The following RCAN2 variants were observed in gnomAD, a reference collection of about 807,000 sequenced individuals.
RCAN2 encodes regulator of calcineurin 2.
A neutral mutation model predicts 23.6 loss-of-function variants in RCAN2; 9 were observed. The observed-to-expected ratio is 0.38, with a 90% CI of 0.23 to 0.67. The LOEUF (loss-of-function observed/expected upper bound fraction) is 0.67, where lower values mean the gene tolerates loss of function less well. RCAN2 is among the 30% of genes least tolerant of loss of function. RCAN2 has a pLI of 0.51. For synonymous variants in RCAN2, 109 were observed against 115.7 expected, an observed-to-expected ratio of 0.94 and a Z score of 0.37; for missense variants, 273 against 302.3, an observed-to-expected ratio of 0.90 and a Z score of 0.72.
intron 1 of RCAN2, among the ~76,000 whole-genome samples, chr6:46,462,829 C>T (rs1227252053): frequency 2.0e-5 from 3 of 152,176 alleles, no homozygotes; most frequent in Non-Finnish European, 4.4e-5. Flanking sequence ...ATGAGATTCA[C>T]ATTTCTGAAT....
intron 2 of RCAN2, among the ~76,000 whole-genome samples, chr6:46,255,661 AC>A (rs376987854): frequency 1.3e-5 from 2 of 152,222 alleles, no homozygotes; most frequent in African/African-American, 4.8e-5. Flanking sequence ...CACGGTGACC[AC>A]CGACTCAGGA....
intron 2 of RCAN2, among the ~76,000 whole-genome samples, chr6:46,324,479 A>G (rs1032336309): frequency 6.6e-6 from 1 of 152,202 alleles, no homozygotes; most frequent in Non-Finnish European, 1.5e-5. Context: ...AAGGATGGTA[A>G]ATGATTATGC....
chr6:46,328,480 G>A (rs1244633591), intron 2 of RCAN2, among the ~76,000 whole-genome samples: 1 of 152,208 alleles, frequency 6.6e-6, no homozygotes, highest in East Asian at 1.9e-4. Flanking sequence ...ACTAAAATTA[G>A]TGGGTTTTAA....
rs372471267 is a variant in RCAN2 at position 46,385,308 on chromosome 6, C to G, written c.225+71444G>C. ...CAGCATTCTACAATACACCAAGGAA[C>G]TGCACACAGTAGACAAGGCACCACT... On this transcript the variant is annotated intron_variant, in intron 2 of 4. Transcript: ENST00000371374. Among the ~76,000 whole-genome samples the G allele has an allele frequency of 2.5e-4, 38 of 152,290 alleles. 1 individual carries two copies. The South Asian group carries it at 5.2e-3, about 21-fold the overall frequency.
intron 2 of RCAN2, among the ~76,000 whole-genome samples, chr6:46,402,222 G>A (rs938768175): frequency 1.3e-5 from 2 of 152,042 alleles, no homozygotes; most frequent in Non-Finnish European, 2.9e-5. Context: ...CTTATTATGT[G>A]CTGTGTAAAA....
intron 2 of RCAN2, among the ~76,000 whole-genome samples, chr6:46,453,045 C>G (rs941458994): frequency 6.6e-6 from 1 of 152,272 alleles, no homozygotes; most frequent in South Asian, 2.1e-4. Flanking sequence ...ATTCCAATGT[C>G]CTACCCAGCA....
chr6:46,321,289 T>C (rs1395469938), intron 2 of RCAN2, among the ~76,000 whole-genome samples: 2 of 152,228 alleles, frequency 1.3e-5, no homozygotes. Context: ...ATTTACTTGT[T>C]TACTATTTCA....
chr6:46,359,096 G>A (rs754456130), intron 2 of RCAN2, among the ~76,000 whole-genome samples: 23 of 152,098 alleles, frequency 1.5e-4, no homozygotes, highest in African/African-American at 4.6e-4. Context: ...CTGAATCATC[G>A]GATCTAGTGT....
At chr6:46,478,311 T>G (rs903507529) in intron 1 of RCAN2, among the ~76,000 whole-genome samples, 1 of 152,288 alleles carries the variant, frequency 6.6e-6, no homozygotes, top group Middle Eastern at 3.4e-3. Flanking sequence ...TGCAGGCTGT[T>G]GGGAAATAAT....
At chr6:46,390,870 T>C (rs1052771474) in intron 2 of RCAN2, among the ~76,000 whole-genome samples, 6 of 152,172 alleles carry the variant, frequency 3.9e-5, no homozygotes, top group African/African-American at 1.4e-4. Flanking sequence ...ATAACTCTAT[T>C]GTATGAGGTT....
At chr6:46,228,521 T>G (rs571272313) in intron 4 of RCAN2, among the ~76,000 whole-genome samples, 1 of 152,322 alleles carries the variant, frequency 6.6e-6, no homozygotes, top group Non-Finnish European at 1.5e-5. Context: ...CCCTTTACCA[T>G]TATGTAATGG....
At chr6:46,235,258 A>G (rs1249823014) in intron 4 of RCAN2, among the ~76,000 whole-genome samples, 1 of 152,208 alleles carries the variant, frequency 6.6e-6, no homozygotes. Flanking sequence ...TGATGGAAGG[A>G]AGGGGAAATC....
chr6:46,448,923 C>T (rs1767794299), intron 2 of RCAN2, among the ~76,000 whole-genome samples: 1 of 151,720 alleles, frequency 6.6e-6, no homozygotes, highest in Non-Finnish European at 1.5e-5. Context: ...AGAAACAAGA[C>T]AAGGAAGCCA....
At chr6:46,361,002 C>A (rs1383872114) in intron 2 of RCAN2, among the ~76,000 whole-genome samples, 2 of 152,194 alleles carry the variant, frequency 1.3e-5, no homozygotes, top group Non-Finnish European at 2.9e-5. Flanking sequence ...TTCAATTAAT[C>A]ACAGCAATAG....
intron 2 of RCAN2, among the ~76,000 whole-genome samples, chr6:46,318,793 T>C (rs551214073): frequency 6.6e-6 from 1 of 152,306 alleles, no homozygotes; most frequent in South Asian, 2.1e-4. Flanking sequence ...TATATACATA[T>C]ATGTACACAC....
At chr6:46,419,016 A>G (rs201485270) in intron 2 of RCAN2, among the ~76,000 whole-genome samples, 3 of 152,044 alleles carry the variant, frequency 2.0e-5, no homozygotes, top group Non-Finnish European at 4.4e-5. Flanking sequence ...AGATAGCAAA[A>G]AAAAGCCCAA....
chr6:46,363,935 G>T (rs1373406938), intron 2 of RCAN2, among the ~76,000 whole-genome samples: 1 of 152,110 alleles, frequency 6.6e-6, no homozygotes, highest in Admixed American at 6.6e-5. Flanking sequence ...AAATAAATTT[G>T]GTTAATGCAT....
At chr6:46,355,646 T>C (rs941240453) in intron 2 of RCAN2, among the ~76,000 whole-genome samples, 11 of 152,196 alleles carry the variant, frequency 7.2e-5, no homozygotes, top group African/African-American at 2.7e-4. Context: ...AAGTGGCCAG[T>C]CTTTAATGGA....
rs964918134 is a variant in RCAN2 at position 46,391,569 on chromosome 6, C to T, written c.225+65183G>A. 4.6e-5 allele frequency among the ~76,000 whole-genome samples: 7 copies of T among 152,174 alleles called. No homozygotes were observed. In the South Asian group the frequency reaches 1.5e-3, roughly 32 times the overall value. ...GTTTTCTCCTTTAGTAGACAATTTG[C>T]TCTATGTTTCTTGGGGGCTACACTT... is the stretch of plus-strand genomic sequence containing the variant. On this transcript the variant is annotated intron_variant, in intron 2 of 4. Transcript: ENST00000371374.
Sources: gnomAD v4.1 joint callset for allele counts (sites outside exome capture counted in the v4.1 genomes callset) on GRCh38, gnomAD v4.1.1 for gene constraint, MANE v1.5 for transcripts, NCBI Gene and HGNC (gene_info 2026-07-23, HGNC 2026-07-21) for gene names.